Variants in TMED8 observed in about 807,000 individuals in gnomAD.
TMED8 encodes protein TMED8.
TMED8 carries 15 observed loss-of-function variants against 32.7 expected under a neutral mutation model. The ratio of observed to expected loss-of-function variants is 0.46; its 90% CI spans 0.31 to 0.71. The LOEUF is 0.71. Among genes scored for constraint, TMED8 ranks in the 30% least tolerant of loss-of-function variants. The pLI is 0.06. For missense variants in TMED8, 390 were observed against 423.9 expected (o/e 0.92, Z 0.70); for synonymous variants, 147 against 161.4 (o/e 0.91, Z 0.68).
At chr14:77,369,084 G>A (rs1009651149) in intron 1 of TMED8, among the ~76,000 whole-genome samples, 1 of 150,808 alleles carries the variant, frequency 6.6e-6, no homozygotes, top group Middle Eastern at 3.2e-3. Flanking sequence ...TGATGTGTGA[G>A]GTAAAGATTA....
At chr14:77,358,511 C>T (rs577094616) in intron 1 of TMED8, among the ~76,000 whole-genome samples, 1 of 152,160 alleles carries the variant, frequency 6.6e-6, no homozygotes, top group South Asian at 2.1e-4. Context: ...GTTGGTCAGG[C>T]TGGTCTCAAA....
intron 1 of TMED8, among the ~76,000 whole-genome samples, chr14:77,355,708 T>C (rs1396335969): frequency 1.3e-5 from 2 of 152,206 alleles, no homozygotes; most frequent in Non-Finnish European, 2.9e-5. Context: ...TGATGTTCTA[T>C]TGGCATTATC....
intron 1 of TMED8, among the ~76,000 whole-genome samples, chr14:77,354,070 C>T (rs915684301): frequency 5.9e-5 from 9 of 152,186 alleles, no homozygotes; most frequent in African/African-American, 1.9e-4. Context: ...ACTATATAGC[C>T]TGTGACCATG....
At chr14:77,367,442 G>A (rs538698891) in intron 1 of TMED8, among the ~76,000 whole-genome samples, 1 of 151,738 alleles carries the variant, frequency 6.6e-6, no homozygotes, top group Non-Finnish European at 1.5e-5. Context: ...TCCTCCTTAA[G>A]GTAAGAAAAC....
chr14:77,371,831 A>G (rs1893684792), intron 1 of TMED8, among the ~76,000 whole-genome samples: 1 of 152,350 alleles, frequency 6.6e-6, no homozygotes, highest in East Asian at 1.9e-4. Flanking sequence ...AAGTATTCCT[A>G]GAAGAGATCA....
At position 77,343,339 on chromosome 14, in the gene TMED8, T is replaced by G. The variant is rs1892949405; in HGVS notation, c.599A>C (p.Glu200Ala). 6.2e-7 allele frequency: 1 copy of G among 1,614,130 alleles called. No homozygotes were observed. The highest frequency in any genetic ancestry group is 2.2e-5 in the East Asian group (1 of 44,876). ...AAACTCCCAGCAGACACGCTTCCCC[T>G]CTGGATGAGTAGGTACCCGGATGGT... Reference protein sequence around the residue: ...VVTIRVPTHPEGKRVCWEFAT... With the variant: ...VVTIRVPTHPAGKRVCWEFAT... Residue 200 changes from glutamate to alanine, a missense_variant, in exon 5 of 6, where the codon GAG (glutamate) becomes GCG (alanine). Coordinates refer to ENST00000216468, the MANE Select transcript of TMED8 (RefSeq NM_213601.3).
At chr14:77,367,255 A>AAC (rs1353082079) in intron 1 of TMED8, among the ~76,000 whole-genome samples, 5 of 150,074 alleles carry the variant, frequency 3.3e-5, no homozygotes, top group Non-Finnish European at 6.0e-5. Context: ...AAAAAAAAAA[A>AAC]AAAAAAAAAA....
chr14:77,366,149 C>T (rs576107044), intron 1 of TMED8, among the ~76,000 whole-genome samples: 1 of 152,242 alleles, frequency 6.6e-6, no homozygotes, highest in East Asian at 1.9e-4. Context: ...ATTTCTAGTC[C>T]CCGACATCCC....
intron 1 of TMED8, among the ~76,000 whole-genome samples, chr14:77,355,004 T>C (rs573737212): frequency 6.6e-6 from 1 of 151,930 alleles, no homozygotes; most frequent in East Asian, 1.9e-4. Flanking sequence ...AAGCTAGTCT[T>C]GATCTCTTGG....
chr14:77,349,058 GTAT>G (rs1893118065), intron 2 of TMED8, among the ~76,000 whole-genome samples: 1 of 148,884 alleles, frequency 6.7e-6, no homozygotes, highest in Non-Finnish European at 1.5e-5. Context: ...CACTGCCTCT[GTAT>G]GCACAGCACT....
chr14:77,366,650 C>A (rs1369270057), intron 1 of TMED8, among the ~76,000 whole-genome samples: 1 of 152,154 alleles, frequency 6.6e-6, no homozygotes, highest in African/African-American at 2.4e-5. Flanking sequence ...GCTATTCTAC[C>A]TTTATTCTGA....
chr14:77,365,228 C>T (rs925513602), intron 1 of TMED8, among the ~76,000 whole-genome samples: 3 of 152,158 alleles, frequency 2.0e-5, no homozygotes, highest in African/African-American at 7.2e-5. Context: ...CAGAACTTTA[C>T]TGGACCCCTG....
intron 1 of TMED8, among the ~76,000 whole-genome samples, chr14:77,362,241 T>C (rs1032618183): frequency 1.3e-5 from 2 of 152,058 alleles, no homozygotes; most frequent in African/African-American, 2.4e-5. Flanking sequence ...TCCATTACTA[T>C]GTTGAATAGA....
At chr14:77,363,251 C>T (rs1893477882) in intron 1 of TMED8, among the ~76,000 whole-genome samples, 1 of 152,064 alleles carries the variant, frequency 6.6e-6, no homozygotes, top group African/African-American at 2.4e-5. Context: ...GAAATCATAA[C>T]AAGTATTATT....
At chr14:77,349,101 A>C (rs1034901041) in intron 2 of TMED8, among the ~76,000 whole-genome samples, 2 of 129,864 alleles carry the variant, frequency 1.5e-5, no homozygotes, top group Non-Finnish European at 3.2e-5. Context: ...TGGAACTCTA[A>C]GGCCCTTTTT....
rs987236488 is a variant in TMED8 at position 77,371,515 on chromosome 14, G to A, written c.118+5421C>T. 3.9e-5 allele frequency among the ~76,000 whole-genome samples: 6 copies of A among 152,008 alleles called. No homozygotes were observed. The East Asian group carries it at 1.2e-3, about 29-fold the overall frequency. ...TGAGCTTTTGATTTTTAACTTTAAA[G>A]GAATGCCCTAAATTATTTTTAATTT... On this transcript the variant is annotated intron_variant, in intron 1 of 5. Coordinates refer to ENST00000216468, the MANE Select transcript of TMED8 (RefSeq NM_213601.3).
intron 1 of TMED8, among the ~76,000 whole-genome samples, chr14:77,373,767 T>C (rs965545405): frequency 5.9e-5 from 9 of 152,150 alleles, no homozygotes; most frequent in Admixed American, 5.9e-4. Context: ...TGAGGTCTGG[T>C]GGGAGGTGAC....
At chr14:77,346,274 A>C in intron 3 of TMED8, 75 bp downstream of exon 3, 1 of 1,525,710 alleles carries the variant, frequency 6.6e-7, no homozygotes, top group Non-Finnish European at 8.9e-7. Context: ...AGTGCTTTCT[A>C]ATTCCAACCC....
At chr14:77,373,967 A>G (rs1361307122) in intron 1 of TMED8, among the ~76,000 whole-genome samples, 1 of 152,138 alleles carries the variant, frequency 6.6e-6, no homozygotes, top group Non-Finnish European at 1.5e-5. Flanking sequence ...TATGATTCTA[A>G]GCTTCTTGAG....
Sources: allele counts gnomAD v4.1 joint callset (sites outside exome capture counted in the v4.1 genomes callset), GRCh38; gene constraint gnomAD v4.1.1; transcripts MANE v1.5; gene names NCBI Gene and HGNC (gene_info 2026-07-23, HGNC 2026-07-21).